Variants in CFAP263 observed in about 807,000 individuals in gnomAD.
CFAP263 encodes the protein cilia and flagella associated protein 263.
chr16:58,259,786 C>T, the CFAP263 span: 1 of 1,059,104 alleles, frequency 9.4e-7, no homozygotes, highest in Non-Finnish European at 1.4e-6. Context: ...GAACCATCCA[C>T]TTTTCAAACC....
chr16:58,259,980 C>T, the CFAP263 span: 3 of 1,305,340 alleles, frequency 2.3e-6, no homozygotes, highest in African/African-American at 4.4e-5. Context: ...TTTAAGGTTA[C>T]TGTGGTAGGC....
chr16:58,250,075 C>G, the CFAP263 span: 1 of 1,597,320 alleles, frequency 6.3e-7, no homozygotes, highest in Non-Finnish European at 8.5e-7. Context: ...GGAGCTGGAG[C>G]TGCCTGTTAT....
the CFAP263 span, among the ~76,000 whole-genome samples, chr16:58,257,014 C>CTCTTTTTTTTTTTT: frequency 2.4e-5 from 1 of 41,928 alleles, no homozygotes; most frequent in African/African-American, 1.2e-4. Context: ...ATATGAATTT[C>CTCTTTTTTTTTTTT]TTTTTTTTTT....
the CFAP263 span, among the ~76,000 whole-genome samples, chr16:58,272,165 G>A: frequency 2.0e-5 from 3 of 151,750 alleles, no homozygotes; most frequent in East Asian, 1.9e-4. Flanking sequence ...GCAGGCACCC[G>A]CCACCACGCC....
At chr16:58,265,925 C>T in the CFAP263 span, among the ~76,000 whole-genome samples, 3 of 152,108 alleles carry the variant, frequency 2.0e-5, no homozygotes, top group East Asian at 3.9e-4. Context: ...AGTTGGTGAC[C>T]GCTTGTCTTC....
the CFAP263 span, among the ~76,000 whole-genome samples, chr16:58,266,106 G>A: frequency 1.3e-5 from 2 of 152,090 alleles, no homozygotes; most frequent in African/African-American, 4.8e-5. Flanking sequence ...AAAGAAGTGA[G>A]GTCTGAAAAT....
the CFAP263 span, chr16:58,267,398 C>A: frequency 3.1e-6 from 3 of 963,254 alleles, no homozygotes; most frequent in Admixed American, 2.0e-5. Flanking sequence ...CTTTTCTGTT[C>A]GTTAACAAAG....
the CFAP263 span, chr16:58,267,595 G>C: frequency 3.3e-6 from 5 of 1,535,036 alleles, no homozygotes; most frequent in East Asian, 9.0e-5. Flanking sequence ...AGGTAGGAGA[G>C]AGCAAAATGT....
the CFAP263 span, among the ~76,000 whole-genome samples, chr16:58,262,053 G>A: frequency 6.6e-6 from 1 of 152,042 alleles, no homozygotes; most frequent in Non-Finnish European, 1.5e-5. Flanking sequence ...TTCCTCCCCT[G>A]GCCTGGCTTA....
the CFAP263 span, among the ~76,000 whole-genome samples, chr16:58,266,391 ATATATATATATATATTTTTTT>A: frequency 6.0e-5 from 2 of 33,534 alleles, no homozygotes; most frequent in East Asian, 7.0e-4. Flanking sequence ...ATATATATAT[ATATATATATATATATTTTTTT>A]TTTTTTTTTT....
chr16:58,258,918 C>T, the CFAP263 span, among the ~76,000 whole-genome samples: 2 of 151,812 alleles, frequency 1.3e-5, no homozygotes, highest in East Asian at 3.9e-4. Flanking sequence ...GCGGAGATTG[C>T]GGTGAGCCAA....
chr16:58,271,452 T>C, the CFAP263 span, among the ~76,000 whole-genome samples: 1 of 152,198 alleles, frequency 6.6e-6, no homozygotes, highest in African/African-American at 2.4e-5. Flanking sequence ...TCTGTGCTTT[T>C]GTCACATTTC....
the CFAP263 span, chr16:58,253,861 T>C: frequency 1.3e-5 from 11 of 855,624 alleles, no homozygotes; most frequent in Admixed American, 2.6e-4. Context: ...TCCAGCATCC[T>C]TTTACCATGA....
the CFAP263 span, chr16:58,282,490 A>G: frequency 6.6e-6 from 1 of 152,376 alleles, no homozygotes; most frequent in African/African-American, 2.4e-5. Context: ...ACCAGAACAG[A>G]GATGAAGACC....
chr16:58,254,385 G>C, the CFAP263 span, among the ~76,000 whole-genome samples: 1 of 152,160 alleles, frequency 6.6e-6, no homozygotes, highest in Non-Finnish European at 1.5e-5. Context: ...CGAATGTAGA[G>C]AGGCTAGCAC....
At chr16:58,269,469 A>T in the CFAP263 span, among the ~76,000 whole-genome samples, 2 of 151,980 alleles carry the variant, frequency 1.3e-5, no homozygotes, top group Non-Finnish European at 2.9e-5. Flanking sequence ...AAAAGAAAAG[A>T]TCCTTCTCCA....
At chr16:58,259,896 A>G in the CFAP263 span, 3 of 1,605,496 alleles carry the variant, frequency 1.9e-6, no homozygotes, top group Non-Finnish European at 1.7e-6. Context: ...TGTTTCTCTC[A>G]AAGTTCAGAG....
At chr16:58,279,709 C>A in the CFAP263 span, 1 of 1,609,020 alleles carries the variant, frequency 6.2e-7, no homozygotes. Context: ...AAAAGGCCAT[C>A]GTAAGGCTTG....
At chr16:58,258,532 GCAGA>G in the CFAP263 span, 3 of 1,611,942 alleles carry the variant, frequency 1.9e-6, no homozygotes, top group African/African-American at 4.0e-5. Context: ...GGGTAAGTTG[GCAGA>G]CAGAGCTTAG....
Sources: gnomAD v4.1 joint callset for allele counts (sites outside exome capture counted in the v4.1 genomes callset) on GRCh38, gnomAD v4.1.1 for gene constraint, MANE v1.5 for transcripts, NCBI Gene and HGNC (gene_info 2026-07-23, HGNC 2026-07-21) for gene names.